Variants in HDAC3 observed in about 807,000 individuals in gnomAD.
The protein encoded by HDAC3 is histone deacetylase 3.
A neutral mutation model predicts 62.3 loss-of-function variants in HDAC3; 21 were observed. The observed-to-expected ratio is 0.34, with a 90% CI of 0.24 to 0.49. HDAC3 has a LOEUF of 0.49. HDAC3 is among the 20% of genes least tolerant of loss of function. The pLI, the probability that HDAC3 is intolerant of heterozygous loss-of-function variation, is 0.99. For synonymous variants in HDAC3, 198 were observed against 206.5 expected (o/e 0.96, Z 0.35); for missense variants, 270 against 556.9 (o/e 0.48, Z 5.19).
At chr5:141,630,892 G>A (rs914202600) in intron 3 of HDAC3, among the ~76,000 whole-genome samples, 22 of 122,982 alleles carry the variant, frequency 1.8e-4, no homozygotes, top group African/African-American at 6.5e-4. Context: ...TCACTATGTT[G>A]CCCAAGCTGG....
At position 141,626,784 on chromosome 5, in the gene HDAC3, G is replaced by GTATA. The variant is rs368519118; in HGVS notation, c.831-505_831-502dup. Among the ~76,000 whole-genome samples, 9 of 129,822 alleles carry GTATA rather than the reference G, an allele frequency of 6.9e-5. No individual in the cohort carries two copies. Among genetic ancestry groups the GTATA allele is most frequent in the Admixed American group, 3.1e-4 (4 of 12,948 alleles). The allele number at this position is 129,822 out of a possible 152,430, so 85.2% of individuals were successfully genotyped here. A position where few individuals can be genotyped will look rare whatever the true frequency, so the allele number is the denominator to read the frequency against. The stretch of plus-strand genomic sequence containing the variant: ...AACATATATATGTGTGTGTGTGTGT[G>GTATA]TATATATATATATATACACACACAC... On this transcript the variant is annotated intron_variant, in intron 10 of 14. Transcript: ENST00000305264. This position sits in a 1 kb window ranked among gnomAD's most constrained non-coding sequence, Gnocchi z 4.6.
intron 3 of HDAC3, among the ~76,000 whole-genome samples, chr5:141,633,913 T>C (rs1486929460): frequency 6.6e-6 from 1 of 152,184 alleles, no homozygotes. Flanking sequence ...ACTGCACTAC[T>C]TCACTTTCAG....
At position 141,636,586 on chromosome 5, in the gene HDAC3, T is replaced by C; in HGVS notation, c.100A>G (p.Ser34Gly). ...TAGAGACCGTAATGCAGGACCAGGC[T>C]ATGGGTCAATGCCAGGCGATGGGGC... ...MKPHRLALTH[S>G]LVLHYGLYKK... The change falls in exon 2 of 15, where the codon AGC becomes GGC. Residue 34 changes from serine to glycine, a missense_variant. Ser to Gly is a moderately conservative substitution (Grantham distance 56). Transcript: ENST00000305264. The C allele has an allele frequency of 1.2e-6, 2 of 1,613,584 alleles. No homozygotes were observed. The highest frequency in any genetic ancestry group is 1.7e-6 in the Non-Finnish European group (2 of 1,179,948).
At position 141,625,380 on chromosome 5, in the gene HDAC3, G is replaced by T; in HGVS notation, c.1060-15C>A. ...TGGTCCAGATACTGGTTGGAAATGA[G>T]GAATACAGAGTGAGCAGTTTCCAGA... On this transcript the variant is annotated splice_polypyrimidine_tract_variant and intron_variant, in intron 13 of 14. Transcript: ENST00000305264. This position sits in a 1 kb window ranked among gnomAD's most constrained non-coding sequence, Gnocchi z 4.0. The T allele has an allele frequency of 6.2e-7, 1 of 1,613,600 alleles. No individual in the cohort carries two copies. The highest frequency in any genetic ancestry group is 8.5e-7 in the Non-Finnish European group (1 of 1,179,770).
In HDAC3 at chr5:141,632,358, C is replaced by T. The variant is rs535100352; in HGVS notation, c.282-2233G>A. On this transcript the variant is annotated intron_variant, in intron 3 of 14. Transcript: ENST00000305264. ...CTTTTTTATTTTTTTCATTTAAAGG[C>T]CTATAGTACAATTTGGCTACTTATG... 2.6e-5 allele frequency among the ~76,000 whole-genome samples: 4 copies of T among 152,110 alleles called. No individual in the cohort carries two copies. The East Asian group carries it at 5.8e-4, about 22-fold the overall frequency.
chr5:141,628,758 C>T lies in HDAC3; in HGVS notation c.611-119G>A. On this transcript the variant is annotated intron_variant, in intron 7 of 14. Transcript: ENST00000305264. This position sits in a 1 kb window ranked among gnomAD's most constrained non-coding sequence, Gnocchi z 4.7. Reference sequence around the variant, plus strand: ...ATCTATGTAGCTTCACCATAAACTCCCTAGAGCCACTAAATCTCTTGCAGC... The same window carrying T: ...ATCTATGTAGCTTCACCATAAACTCTCTAGAGCCACTAAATCTCTTGCAGC... 1 of 697,886 alleles carries T rather than the reference C, an allele frequency of 1.4e-6. No homozygotes were observed. Among genetic ancestry groups the T allele is most frequent in the Non-Finnish European group, 2.5e-6 (1 of 407,876 alleles). 43.2% of individuals were successfully genotyped at this position (697,886 alleles called of 1,614,324 possible). A position where few individuals can be genotyped will look rare whatever the true frequency, so the allele number is the denominator to read the frequency against.
chr5:141,636,736 C>A lies in HDAC3; in HGVS notation c.55G>T (p.Gly19Ter). The A allele has an allele frequency of 6.2e-7, 1 of 1,614,064 alleles. No individual in the cohort carries two copies. Among genetic ancestry groups the A allele is most frequent in the Non-Finnish European group, 8.5e-7 (1 of 1,179,934 alleles). ...CTCATGCATATCCCTGTTTCCTCAC[C>A]GTAGTGGAAGTTGCCCACGTCGGGG... ...YDPDVGNFHY[G>*]AGHPMKPHRL... Residue 19 changes from glycine (G) to a stop codon, truncating the protein, a stop_gained and splice_region_variant, in exon 1 of 15, where the codon GGA becomes TGA. Transcript: ENST00000305264. LOFTEE classifies it high-confidence loss of function.
In HDAC3 at chr5:141,629,163, A is replaced by T; in HGVS notation, c.610+10T>A. On this transcript the variant is annotated intron_variant, in intron 7 of 14. Transcript: ENST00000305264. This position sits in a 1 kb window ranked among gnomAD's most constrained non-coding sequence, Gnocchi z 5.3. The stretch of plus-strand genomic sequence containing the variant: ...GGGTGCAAAGGGGAAAGTAATCCCT[A>T]TTCCCATACCTGTGCCAGGGAAGAA... The T allele has an allele frequency of 6.2e-7, 1 of 1,614,018 alleles. No individual in the cohort carries two copies. The highest frequency in any genetic ancestry group is 8.5e-7 in the Non-Finnish European group (1 of 1,179,902).
chr5:141,630,015 A>T, intron 4 of HDAC3, 29 bp downstream of exon 4: 2 of 1,613,530 alleles, frequency 1.2e-6, no homozygotes, highest in Non-Finnish European at 1.7e-6. Flanking sequence ...TCCAGAGGAA[A>T]GGAAGAACAG....
At chr5:141,624,045 T>TA (rs202049330) in intron 14 of HDAC3, among the ~76,000 whole-genome samples, 21,009 of 145,892 alleles carry the variant, frequency 0.14, 2,466 homozygotes, top group African/African-American at 0.33. Context: ...ATAAAGACTT[T>TA]TAAAAAAAAA....
intron 3 of HDAC3, among the ~76,000 whole-genome samples, chr5:141,631,177 T>G (rs1237712025): frequency 1.3e-5 from 2 of 151,622 alleles, no homozygotes; most frequent in Non-Finnish European, 2.9e-5. Flanking sequence ...AAAACAGAAC[T>G]GTAGGGGTTT....
intron 14 of HDAC3, among the ~76,000 whole-genome samples, chr5:141,624,581 A>C (rs2154597762): frequency 6.7e-6 from 1 of 150,118 alleles, no homozygotes; most frequent in East Asian, 1.9e-4. Flanking sequence ...AAAAAAAATT[A>C]ATGCACACAG....
At chr5:141,632,921 C>A (rs2099905434) in intron 3 of HDAC3, among the ~76,000 whole-genome samples, 1 of 152,192 alleles carries the variant, frequency 6.6e-6, no homozygotes, top group Non-Finnish European at 1.5e-5. Flanking sequence ...TCATTAAGAT[C>A]TTTCAGGAAA....
rs1371975172 is a variant in HDAC3 at position 141,629,297 on chromosome 5, A to C, written c.486T>G (p.Pro162=). 35 of 1,614,062 alleles carry C rather than the reference A, an allele frequency of 2.2e-5. No homozygotes were observed. Among genetic ancestry groups the C allele is most frequent in the Non-Finnish European group, 2.7e-5 (32 of 1,180,036 alleles). ...IGILELLKYH[P]RVLYIDIDIH... Reference sequence around the variant, plus strand: ...TGTCAATGTCAATGTAGAGCACCCGAGGGTGGTACCTAGAGGGAAGCCAAA... The same window carrying C: ...TGTCAATGTCAATGTAGAGCACCCGCGGGTGGTACCTAGAGGGAAGCCAAA... Residue 162 remains proline, a synonymous_variant, in exon 7 of 15, where the codon CCT becomes CCG. Transcript: ENST00000305264. This position sits in a 1 kb window ranked among gnomAD's most constrained non-coding sequence, Gnocchi z 5.3.
In HDAC3 at chr5:141,636,722, C is replaced by T; in HGVS notation, c.55+14G>A. On this transcript the variant is annotated intron_variant, in intron 1 of 14. Transcript: ENST00000305264. The stretch of plus-strand genomic sequence containing the variant: ...CCGTGTCCCAACCCCTCATGCATAT[C>T]CCTGTTTCCTCACCGTAGTGGAAGT... 6.2e-7 allele frequency: 1 copy of T among 1,613,992 alleles called. No homozygotes were observed.
In HDAC3 at chr5:141,629,053, T is replaced by G; in HGVS notation, c.610+120A>C. On this transcript the variant is annotated intron_variant, in intron 7 of 14. Coordinates refer to ENST00000305264, the MANE Select transcript of HDAC3 (RefSeq NM_003883.4). This position sits in a 1 kb window ranked among gnomAD's most constrained non-coding sequence, Gnocchi z 5.3. ...AAGGAGGTGATTATGATAACTGGAG[T>G]GGTAAGGAAAGGCTTCTCTGAGGAG... is the stretch of plus-strand genomic sequence containing the variant. 1.1e-6 allele frequency: 1 copy of G among 925,308 alleles called. No individual in the cohort carries two copies. The highest frequency in any genetic ancestry group is 2.4e-5 in the Admixed American group (1 of 40,858). 57.3% of individuals were successfully genotyped at this position (925,308 alleles called of 1,614,324 possible).
intron 2 of HDAC3, 72 bp downstream of exon 2, chr5:141,636,476 G>T (rs1182267949): frequency 7.1e-7 from 1 of 1,407,512 alleles, no homozygotes; most frequent in Non-Finnish European, 1.0e-6. Flanking sequence ...CATGCACTCA[G>T]TCCAGCCCAC....
chr5:141,627,102 C>T (rs751147437), intron 10 of HDAC3, among the ~76,000 whole-genome samples: 2 of 152,124 alleles, frequency 1.3e-5, no homozygotes, highest in East Asian at 1.9e-4. Flanking sequence ...GCCAGCTTCT[C>T]GGACCTCACC....
In HDAC3 at chr5:141,635,113, G is replaced by T. The variant is rs552876533; in HGVS notation, c.139-160C>A. On this transcript the variant is annotated intron_variant, in intron 2 of 14. Transcript: ENST00000305264. The stretch of plus-strand genomic sequence containing the variant: ...TCAGTAGAGAGACTCCGATTAACCA[G>T]GTAAGTTATTACAAATGAGCCCCCT... 5.7e-5 allele frequency: 37 copies of T among 651,068 alleles called. No homozygotes were observed. The African/African-American group carries it at 6.9e-4, about 12-fold the overall frequency. 40.3% of individuals were successfully genotyped at this position (651,068 alleles called of 1,614,324 possible).
Sources: allele counts gnomAD v4.1 joint callset (sites outside exome capture counted in the v4.1 genomes callset), GRCh38; gene constraint gnomAD v4.1.1; non-coding constraint Gnocchi (gnomAD v3.1); transcripts MANE v1.5; gene names NCBI Gene and HGNC (gene_info 2026-07-23, HGNC 2026-07-21).